Variants in ESRRG observed in about 807,000 individuals in gnomAD.
The protein encoded by ESRRG is estrogen related receptor gamma.
ESRRG carries 13 observed loss-of-function variants against 44.0 expected under a neutral mutation model. The ratio of observed to expected loss-of-function variants is 0.30; its 90% confidence interval spans 0.19 to 0.47. The LOEUF is 0.47. Among genes scored for constraint, ESRRG ranks in the 20% least tolerant of loss-of-function variants. The pLI is 1.00. For synonymous variants in ESRRG, 215 were observed against 214.6 expected (o/e 1.00, Z -0.02); for missense variants, 395 against 580.6 (o/e 0.68, Z 3.29).
rs749847047 is a variant in ESRRG, at chr1:216,916,834, C to CTTTTTTTT, written c.-14+22740_-14+22747dup. Among the ~76,000 whole-genome samples the CTTTTTTTT allele has an allele frequency of 3.5e-4, 22 of 62,480 alleles. 4 individuals are homozygous for CTTTTTTTT. Among genetic ancestry groups the CTTTTTTTT allele is most frequent in the Non-Finnish European group, 5.3e-4 (19 of 35,818 alleles). The allele number at this position is 62,480 out of a possible 152,430, so 41.0% of individuals were successfully genotyped here. A position where few individuals can be genotyped will look rare whatever the true frequency, so the allele number is the denominator to read the frequency against. Reference sequence around the variant, plus strand: ...GGTTCAAATTCCACTCAGCTTTGGTCTTTTTTTTTTTTTTTTTTTTTTTTT... The same window carrying CTTTTTTTT: ...GGTTCAAATTCCACTCAGCTTTGGTCTTTTTTTTTTTTTTTTTTTTTTTTTTTTTTTTT... On this transcript the variant is annotated intron_variant, in intron 2 of 7. Transcript: ENST00000359162.
At chr1:217,030,213 AC>A (rs2081876625) in intron 1 of ESRRG, among the ~76,000 whole-genome samples, 2 of 151,640 alleles carry the variant, frequency 1.3e-5, no homozygotes, top group South Asian at 4.2e-4. Flanking sequence ...AAGTGATCAA[AC>A]CACAAGCCTC....
At chr1:217,051,496 T>C (rs1311106888) in intron 1 of ESRRG, among the ~76,000 whole-genome samples, 3 of 152,152 alleles carry the variant, frequency 2.0e-5, no homozygotes, top group East Asian at 3.9e-4. Context: ...TCCAAATAAC[T>C]TTGCATCTGC....
chr1:217,135,943 C>G (rs1580668434), intron 1 of ESRRG, among the ~76,000 whole-genome samples: 1 of 152,172 alleles, frequency 6.6e-6, no homozygotes, highest in East Asian at 1.9e-4. Context: ...GACCTTACTC[C>G]CACCCCCGCC....
intron 2 of ESRRG, among the ~76,000 whole-genome samples, chr1:216,852,529 T>C (rs2095857479): frequency 2.0e-5 from 3 of 152,180 alleles, no homozygotes; most frequent in Non-Finnish European, 4.4e-5. Context: ...ATTTCCACAA[T>C]GAAATTGTAA....
At chr1:216,674,615 CTT>C (rs5780904) in intron 2 of ESRRG, among the ~76,000 whole-genome samples, 26,350 of 127,588 alleles carry the variant, frequency 0.21, 2,802 homozygotes, top group Non-Finnish European at 0.28. Context: ...TTTGGGTAAA[CTT>C]TTTTTTTTTT....
At chr1:216,592,036 T>C (rs2057750436) in intron 3 of ESRRG, among the ~76,000 whole-genome samples, 1 of 152,330 alleles carries the variant, frequency 6.6e-6, no homozygotes, top group African/African-American at 2.4e-5. Flanking sequence ...TGCCATCTGA[T>C]ATAATGCGAT....
chr1:217,025,259 A>G (rs115411823), intron 1 of ESRRG, among the ~76,000 whole-genome samples: 3,546 of 152,350 alleles, frequency 0.023, 50 homozygotes, highest in Non-Finnish European at 0.037. Flanking sequence ...ATGTTTCTGC[A>G]GAATGATTTT....
At chr1:216,550,007 C>T (rs2055794875) in intron 5 of ESRRG, among the ~76,000 whole-genome samples, 1 of 151,970 alleles carries the variant, frequency 6.6e-6, no homozygotes, top group South Asian at 2.1e-4. Context: ...CAGTTCAAGT[C>T]CTTACATCAA....
At chr1:216,692,861 C>T (rs2079326188) in intron 1 of ESRRG, among the ~76,000 whole-genome samples, 1 of 152,214 alleles carries the variant, frequency 6.6e-6, no homozygotes, top group African/African-American at 2.4e-5. Flanking sequence ...CATTTGTAGC[C>T]TCTAGGTTAT....
chr1:216,555,020 T>A (rs2057234327), intron 5 of ESRRG, among the ~76,000 whole-genome samples: 1 of 152,178 alleles, frequency 6.6e-6, no homozygotes, highest in Non-Finnish European at 1.5e-5. Flanking sequence ...TTGAGTTCAG[T>A]TCAACTCCCT....
chr1:216,748,238 C>T (rs6671659), intron 2 of ESRRG, among the ~76,000 whole-genome samples: 19,576 of 152,156 alleles, frequency 0.13, 1,344 homozygotes, highest in South Asian at 0.21. Flanking sequence ...CTAGTTAATC[C>T]ATGCTACCCA....
intron 2 of ESRRG, among the ~76,000 whole-genome samples, chr1:216,822,834 C>A (rs1170100172): frequency 1.3e-5 from 2 of 152,174 alleles, no homozygotes; most frequent in Non-Finnish European, 2.9e-5. Flanking sequence ...TACAATCTTA[C>A]AGATTGATAA....
intron 3 of ESRRG, among the ~76,000 whole-genome samples, chr1:216,611,973 AAGAAGGCT>A (rs2060740858): frequency 6.6e-6 from 1 of 152,194 alleles, no homozygotes. Flanking sequence ...CTGGTGCCTA[AAGAAGGCT>A]AGGGAGAGAA....
At chr1:216,565,593 C>A (rs1422319279) in intron 4 of ESRRG, among the ~76,000 whole-genome samples, 1 of 152,086 alleles carries the variant, frequency 6.6e-6, no homozygotes, top group African/African-American at 2.4e-5. Flanking sequence ...CTTGTCCAAG[C>A]TATAATTAGC....
intron 2 of ESRRG, among the ~76,000 whole-genome samples, chr1:216,880,005 CTACTT>C (rs1050423152): frequency 4.0e-5 from 6 of 151,864 alleles, no homozygotes; most frequent in African/African-American, 1.5e-4. Flanking sequence ...TAAAAGTAAA[CTACTT>C]TAAAAAGATA....
chr1:216,995,191 C>T (rs1270154659), intron 1 of ESRRG, among the ~76,000 whole-genome samples: 1 of 152,160 alleles, frequency 6.6e-6, no homozygotes, highest in Admixed American at 6.5e-5. Context: ...CATATGCATG[C>T]CCTGTTCTTC....
chr1:216,601,009 C>T (rs1055470495), intron 3 of ESRRG, among the ~76,000 whole-genome samples: 6 of 152,212 alleles, frequency 3.9e-5, no homozygotes, highest in African/African-American at 1.4e-4. Flanking sequence ...GGCGTTCCTC[C>T]CCGGTTCTCT....
chr1:216,652,165 G>C (rs562055957), intron 2 of ESRRG, among the ~76,000 whole-genome samples: 1 of 152,168 alleles, frequency 6.6e-6, no homozygotes, highest in East Asian at 1.9e-4. Flanking sequence ...CATCAGAGAC[G>C]GTCCGAGCAT....
intron 5 of ESRRG, among the ~76,000 whole-genome samples, chr1:216,550,591 A>G (rs972111735): frequency 5.3e-5 from 8 of 152,132 alleles, no homozygotes; most frequent in Non-Finnish European, 1.2e-4. Context: ...CAAGCCAAGT[A>G]TGGACGCAAC....
Sources: allele counts gnomAD v4.1 joint callset (sites outside exome capture counted in the v4.1 genomes callset), GRCh38; gene constraint gnomAD v4.1.1; transcripts MANE v1.5; gene names NCBI Gene and HGNC (gene_info 2026-07-23, HGNC 2026-07-21).